Variants in JAKMIP3 observed in about 807,000 individuals in gnomAD.
JAKMIP3 encodes janus kinase and microtubule-interacting protein 3.
In JAKMIP3, 58 loss-of-function variants were observed where a neutral mutation model predicts 118.5. That is an observed-to-expected ratio of 0.49 (90% CI 0.40 to 0.61). The LOEUF (loss-of-function observed/expected upper bound fraction) is 0.61, where lower values mean the gene tolerates loss of function less well. Ranked by LOEUF, JAKMIP3 falls within the 20% of genes least tolerant of loss-of-function variation. JAKMIP3 has a pLI of 0.00. For missense variants in JAKMIP3, 950 were observed against 1,109.0 expected, an observed-to-expected ratio of 0.86 and a Z score of 2.04; for synonymous variants, 486 against 451.2, an observed-to-expected ratio of 1.08 and a Z score of -0.98.
Position 132,140,832 on chromosome 10 carries a change from A to G in JAKMIP3, c.1473+253A>G, listed in dbSNP as rs1393375105. ...TGGGCTGAGGCCCGCTCTTGCTCCC[A>G]TGAAGGCCAAACCATGCCTCCTTCT... On this transcript the variant is annotated intron_variant, in intron 10 of 23. Coordinates refer to ENST00000684848, the MANE Select transcript of JAKMIP3 (RefSeq NM_001323087.2). 2.6e-5 allele frequency among the ~76,000 whole-genome samples: 4 copies of G among 152,142 alleles called. No individual in the cohort carries two copies. In the East Asian group the frequency reaches 7.7e-4, roughly 29 times the overall value.
At chr10:132,072,703 T>G (rs1174849601) in intron 1 of JAKMIP3, among the ~76,000 whole-genome samples, 1 of 152,256 alleles carries the variant, frequency 6.6e-6, no homozygotes, top group Non-Finnish European at 1.5e-5. Context: ...TTAAGTATTT[T>G]TTATGATCCT....
intron 1 of JAKMIP3, among the ~76,000 whole-genome samples, chr10:132,090,698 A>G (rs973066677): frequency 5.3e-5 from 8 of 152,052 alleles, no homozygotes; most frequent in African/African-American, 1.7e-4. Context: ...TTTTGTCTCT[A>G]TCTCCTTCAA....
chr10:132,036,784 G>T (rs1350245943), intron 1 of JAKMIP3, among the ~76,000 whole-genome samples: 1 of 151,428 alleles, frequency 6.6e-6, no homozygotes, highest in Non-Finnish European at 1.5e-5. Flanking sequence ...CCGGGCCTCT[G>T]CGCTGCGTCT....
chr10:132,163,442 T>G, intron 20 of JAKMIP3, 30 bp downstream of exon 20: 1 of 1,562,704 alleles, frequency 6.4e-7, no homozygotes. Context: ...AGGGCTGGCG[T>G]GAAGACCTGG....
Position 132,152,875 on chromosome 10 carries a change from C to A in JAKMIP3, c.2008-83C>A, listed in dbSNP as rs907975716. On this transcript the variant is annotated intron_variant, in intron 16 of 23. Transcript: ENST00000684848. Reference sequence around the variant, plus strand: ...GGCGTCCCCAGTCAGCCTCCCCAGTCAGCTTCCCCATGCATCCATCACTCA... The same window carrying A: ...GGCGTCCCCAGTCAGCCTCCCCAGTAAGCTTCCCCATGCATCCATCACTCA... The A allele has an allele frequency of 5.3e-6, 6 of 1,132,924 alleles. No individual in the cohort carries two copies. In the African/African-American group the frequency reaches 7.7e-5, roughly 15 times the overall value. The allele number at this position is 1,132,924 out of a possible 1,614,324, so 70.2% of individuals were successfully genotyped here. A position where few individuals can be genotyped will look rare whatever the true frequency, so the allele number is the denominator to read the frequency against.
intron 11 of JAKMIP3, chr10:132,143,820 C>T (rs942881522): frequency 1.3e-5 from 2 of 152,208 alleles, no homozygotes; most frequent in Admixed American, 1.3e-4. Flanking sequence ...TGCAGGGGGC[C>T]CACAGCCCTC....
At chr10:132,147,023 C>T (rs1222472599) in intron 13 of JAKMIP3, among the ~76,000 whole-genome samples, 12 of 152,220 alleles carry the variant, frequency 7.9e-5, no homozygotes, top group Admixed American at 6.5e-4. Context: ...GATGCTGGCA[C>T]GCACATGGAA....
At position 132,057,782 on chromosome 10, in the gene JAKMIP3, G is replaced by T. The variant is rs1172940251; in HGVS notation, c.-138+21044G>T. ...CTGTGTCAACCCCAGTGAGAGGGAC[G>T]CTGTCTCCAGTGCCGTCCTGGACAG... On this transcript the variant is annotated intron_variant, in intron 1 of 23. Coordinates refer to the JAKMIP3 transcript ENST00000657785. 2.0e-5 allele frequency among the ~76,000 whole-genome samples: 3 copies of T among 152,308 alleles called. No individual in the cohort carries two copies. The South Asian group carries it at 6.2e-4, about 32-fold the overall frequency.
At chr10:132,102,688 C>T (rs1311218597) in intron 1 of JAKMIP3, among the ~76,000 whole-genome samples, 1 of 152,214 alleles carries the variant, frequency 6.6e-6, no homozygotes, top group African/African-American at 2.4e-5. Flanking sequence ...GCCATCTTCA[C>T]TCACCCGTGG....
intron 1 of JAKMIP3, among the ~76,000 whole-genome samples, chr10:132,096,355 T>C (rs1202150317): frequency 1.3e-5 from 2 of 152,220 alleles, no homozygotes; most frequent in Non-Finnish European, 2.9e-5. Flanking sequence ...TTCCTGCCAG[T>C]AGTAACCCAG....
At chr10:132,156,444 T>C (rs551835954) in intron 19 of JAKMIP3, among the ~76,000 whole-genome samples, 1 of 152,126 alleles carries the variant, frequency 6.6e-6, no homozygotes, top group East Asian at 1.9e-4. Flanking sequence ...CTGGCAGGCA[T>C]CTCCACTGCT....
chr10:132,148,621 C>T (rs1318503772), intron 14 of JAKMIP3, among the ~76,000 whole-genome samples: 1 of 152,230 alleles, frequency 6.6e-6, no homozygotes, highest in African/African-American at 2.4e-5. Flanking sequence ...TGAGTGAGGA[C>T]AGTGGGGGCC....
chr10:132,162,111 TGCACTTCCTGCTCTGCTTC>T (rs2058415457), intron 19 of JAKMIP3, among the ~76,000 whole-genome samples: 1 of 146,928 alleles, frequency 6.8e-6, no homozygotes, highest in Non-Finnish European at 1.5e-5. Flanking sequence ...GGTTTTTTTC[TGCACTTCCTGCTCTGCTTC>T]TGGGAGACAC....
intron 6 of JAKMIP3, among the ~76,000 whole-genome samples, chr10:132,136,775 G>A (rs1188394802): frequency 1.3e-5 from 2 of 152,160 alleles, no homozygotes; most frequent in African/African-American, 2.4e-5. Flanking sequence ...TGGGAGACCC[G>A]CAGGGCCCAT....
intron 1 of JAKMIP3, among the ~76,000 whole-genome samples, chr10:132,080,472 A>G (rs1299594716): frequency 8.4e-6 from 1 of 118,910 alleles, no homozygotes. Context: ...TTAAGATCAG[A>G]TTATTTATTT....
At chr10:132,165,871 T>TG (rs1280321227) in intron 21 of JAKMIP3, among the ~76,000 whole-genome samples, 2 of 152,192 alleles carry the variant, frequency 1.3e-5, no homozygotes, top group African/African-American at 4.8e-5. Context: ...CCAGGCCACG[T>TG]GGGGAAGCAC....
intron 1 of JAKMIP3, among the ~76,000 whole-genome samples, chr10:132,076,176 C>G (rs558256925): frequency 2.2e-4 from 33 of 152,296 alleles, no homozygotes; most frequent in Admixed American, 1.4e-3. Context: ...CTCCCTGCCC[C>G]CAGTCCCTGA....
chr10:132,110,207 C>T (rs1166700451), intron 2 of JAKMIP3, among the ~76,000 whole-genome samples: 1 of 152,258 alleles, frequency 6.6e-6, no homozygotes, highest in Non-Finnish European at 1.5e-5. Context: ...GCCCCCAAGC[C>T]ATTCTGGAAT....
intron 1 of JAKMIP3, among the ~76,000 whole-genome samples, chr10:132,039,799 C>A (rs2037661403): frequency 6.6e-6 from 1 of 152,222 alleles, no homozygotes; most frequent in South Asian, 2.1e-4. Context: ...ATTGACTTGG[C>A]TCTTACAGCC....
Sources: gnomAD v4.1 joint callset for allele counts (sites outside exome capture counted in the v4.1 genomes callset) on GRCh38, gnomAD v4.1.1 for gene constraint, MANE v1.5 for transcripts, NCBI Gene and HGNC (gene_info 2026-07-23, HGNC 2026-07-21) for gene names.